Variants in PMPCB observed in about 807,000 individuals in gnomAD.
PMPCB encodes the protein mitochondrial-processing peptidase subunit beta.
Under a neutral mutation model 61.5 loss-of-function variants are expected in PMPCB, and 46 were observed. That is an observed-to-expected ratio of 0.75 (90% confidence interval 0.59 to 0.96). The LOEUF (loss-of-function observed/expected upper bound fraction) is 0.96. PMPCB is among the 40% of genes least tolerant of loss of function. The probability of loss-of-function intolerance (pLI) is 0.00; values close to 1 mark genes in which losing one functional copy is unlikely to be tolerated. For missense variants in PMPCB, 590 were observed against 602.4 expected, an observed-to-expected ratio of 0.98 and a Z score of 0.22; for synonymous variants, 191 against 201.6, an observed-to-expected ratio of 0.95 and a Z score of 0.44.
At chr7:103,342,238 T>C in the PMPCB span, among the ~76,000 whole-genome samples, 1 of 152,038 alleles carries the variant, frequency 6.6e-6, no homozygotes, top group Non-Finnish European at 1.5e-5. Flanking sequence ...TTTGGGGATA[T>C]GAGTAAGGTG....
chr7:103,344,801 A>G, the PMPCB span: 1 of 642,616 alleles, frequency 1.6e-6, no homozygotes, highest in South Asian at 1.8e-5. Flanking sequence ...CGTGGTGTGG[A>G]GGCCAGTCTC....
At chr7:103,328,322 G>A (rs971833364) in intron 12 of PMPCB, among the ~76,000 whole-genome samples, 4 of 151,974 alleles carry the variant, frequency 2.6e-5, no homozygotes, top group Non-Finnish European at 4.4e-5. Context: ...GTTTTCTTAA[G>A]CATATGCTTT....
chr7:103,297,792 C>T, intron 1 of PMPCB: 1 of 1,529,640 alleles, frequency 6.5e-7, no homozygotes, highest in Non-Finnish European at 8.7e-7. Context: ...TTCGGCTCCT[C>T]CCGCCAGCTA....
chr7:103,314,644 G>C lies in PMPCB; in HGVS notation c.*2373G>C. On this transcript the variant is annotated 3_prime_UTR_variant, in exon 13 of 13. Coordinates refer to ENST00000249269, the MANE Select transcript of PMPCB (RefSeq NM_004279.3). ...TTCAGGTGTTCTGAAACCCTGCCTT[G>C]TTACTTACCTTTATTAAAAGAACCG... 1.0e-6 allele frequency: 1 copy of C among 985,350 alleles called. No individual in the cohort carries two copies. The highest frequency in any genetic ancestry group is 1.2e-6 in the Non-Finnish European group (1 of 829,876). The allele number at this position is 985,350 out of a possible 1,614,324, so 61.0% of individuals were successfully genotyped here.
At chr7:103,344,703 T>A in the PMPCB span, 4 of 1,452,712 alleles carry the variant, frequency 2.8e-6, no homozygotes, top group Admixed American at 3.4e-5. Context: ...CAGCTCTACC[T>A]CTCACTCCGA....
chr7:103,347,489 C>T, the PMPCB span: 16 of 473,706 alleles, frequency 3.4e-5, no homozygotes. Context: ...ATATGCCAGG[C>T]GTTTTACAAA....
At position 103,311,792 on chromosome 7, in the gene PMPCB, C is replaced by T. The variant is rs1307540799; in HGVS notation, c.1241-16C>T. 14 of 1,606,508 alleles carry T rather than the reference C, an allele frequency of 8.7e-6. No homozygotes were observed. The highest frequency in any genetic ancestry group is 1.2e-5 in the Non-Finnish European group (14 of 1,173,742). On this transcript the variant is annotated splice_polypyrimidine_tract_variant and intron_variant, in intron 10 of 12. Coordinates refer to ENST00000249269, the MANE Select transcript of PMPCB (RefSeq NM_004279.3). ...ATCTGTATTCCAATAGTTAATTTTTCCTTCTCTTTAAACAGGTTCAACTCC... is the reference window on the plus strand; with the variant it reads ...ATCTGTATTCCAATAGTTAATTTTTTCTTCTCTTTAAACAGGTTCAACTCC...
chr7:103,318,404 T>C (rs1818193493), downstream of PMPCB, among the ~76,000 whole-genome samples: 1 of 152,180 alleles, frequency 6.6e-6, no homozygotes, highest in Admixed American at 6.5e-5. Context: ...TACTTCTATT[T>C]TATAGTTTGT....
At chr7:103,343,254 G>A in the PMPCB span, among the ~76,000 whole-genome samples, 8 of 152,190 alleles carry the variant, frequency 5.3e-5, no homozygotes, top group South Asian at 1.7e-3. Flanking sequence ...ACCTGCCTCG[G>A]CCTCCCAAAG....
At chr7:103,334,135 T>A (rs1819077064), downstream of PMPCB, among the ~76,000 whole-genome samples, 1 of 151,956 alleles carries the variant, frequency 6.6e-6, no homozygotes, top group Admixed American at 6.5e-5. Flanking sequence ...GTATTTTTAG[T>A]AGAGATGGGG....
intron 4 of PMPCB, among the ~76,000 whole-genome samples, chr7:103,301,033 C>G (rs1817436684): frequency 6.6e-6 from 1 of 152,190 alleles, no homozygotes; most frequent in Non-Finnish European, 1.5e-5. Flanking sequence ...GTAGTTACTA[C>G]TTTGCAATTT....
At chr7:103,300,361 T>A (rs1563444423) in intron 4 of PMPCB, 54 bp downstream of exon 4, 1 of 1,346,848 alleles carries the variant, frequency 7.4e-7, no homozygotes, top group Non-Finnish European at 1.0e-6. Flanking sequence ...AATCAGGAAT[T>A]ATTTAGTACT....
chr7:103,328,158 G>T (rs950434525), intron 12 of PMPCB, among the ~76,000 whole-genome samples: 2 of 151,812 alleles, frequency 1.3e-5, no homozygotes, highest in African/African-American at 4.8e-5. Flanking sequence ...TTGACCTCAG[G>T]TGATCCACCC....
chr7:103,315,648 C>T (rs982229883), downstream of PMPCB: 4 of 608,176 alleles, frequency 6.6e-6, no homozygotes, highest in Admixed American at 1.0e-4. Flanking sequence ...TTACAGCTTC[C>T]AGTCTGCTAA....
intron 9 of PMPCB, 51 bp from the exon 10 acceptor site, chr7:103,311,592 C>T (rs778608259): frequency 1.1e-5 from 14 of 1,329,650 alleles, no homozygotes; most frequent in Non-Finnish European, 1.4e-5. Context: ...AGGTCATTAA[C>T]TCATGAAATA....
chr7:103,317,784 G>A (rs190098162), downstream of PMPCB, among the ~76,000 whole-genome samples: 3 of 152,236 alleles, frequency 2.0e-5, no homozygotes, highest in East Asian at 5.8e-4. Context: ...CCAAGTAGCT[G>A]GGATTACAGA....
chr7:103,310,256 C>T, intron 8 of PMPCB, 59 bp from the exon 9 acceptor site: 1 of 1,318,744 alleles, frequency 7.6e-7, no homozygotes, highest in South Asian at 1.2e-5. Context: ...CTCCATTTTT[C>T]TTTCTGTATT....
the PMPCB span, chr7:103,342,005 A>G: frequency 5.1e-6 from 7 of 1,363,848 alleles, no homozygotes; most frequent in Non-Finnish European, 6.8e-6. Context: ...TGGAATAAAT[A>G]TGTTTCAAGG....
chr7:103,323,426 T>A (rs974102793), intron 12 of PMPCB, among the ~76,000 whole-genome samples: 4 of 152,228 alleles, frequency 2.6e-5, no homozygotes, highest in Admixed American at 6.5e-5. Context: ...ATTATTGATC[T>A]GGGCCCACCT....
Sources: gnomAD v4.1 joint callset for allele counts (sites outside exome capture counted in the v4.1 genomes callset) on GRCh38, gnomAD v4.1.1 for gene constraint, MANE v1.5 for transcripts, NCBI Gene and HGNC (gene_info 2026-07-23, HGNC 2026-07-21) for gene names.